Variants in BNC2 observed in about 807,000 individuals in gnomAD.
BNC2 encodes the protein zinc finger protein basonuclin-2.
Under a neutral mutation model 76.3 loss-of-function variants are expected in BNC2, and 20 were observed. The ratio of observed to expected loss-of-function variants is 0.26; its 90% CI spans 0.18 to 0.38. The LOEUF is 0.38. Among genes scored for constraint, BNC2 ranks in the 10% least tolerant of loss-of-function variants. The probability of loss-of-function intolerance (pLI) is 1.00; values close to 1 mark genes in which losing one functional copy is unlikely to be tolerated. For missense variants in BNC2, 1,382 were observed against 1,399.8 expected, an observed-to-expected ratio of 0.99 and a Z score of 0.20; for synonymous variants, 582 against 514.8, an observed-to-expected ratio of 1.13 and a Z score of -1.77.
At chr9:16,541,051 G>A (rs1587147989) in intron 5 of BNC2, among the ~76,000 whole-genome samples, 1 of 152,186 alleles carries the variant, frequency 6.6e-6, no homozygotes, top group Admixed American at 6.5e-5. Flanking sequence ...GCATAGTAAA[G>A]GCTAGAGAGA....
At chr9:16,804,183 T>C (rs1160362758) in intron 1 of BNC2, among the ~76,000 whole-genome samples, 1 of 152,246 alleles carries the variant, frequency 6.6e-6, no homozygotes, top group Non-Finnish European at 1.5e-5. Context: ...ATATGAGTTA[T>C]TATTCTTGTC....
At chr9:16,434,420 A>T (rs1431628345) in intron 6 of BNC2, among the ~76,000 whole-genome samples, 1 of 152,176 alleles carries the variant, frequency 6.6e-6, no homozygotes, top group Non-Finnish European at 1.5e-5. Context: ...TTTCTAGTTA[A>T]TTTTAATGTG....
chr9:16,432,679 G>C (rs1423235977), intron 6 of BNC2, among the ~76,000 whole-genome samples: 1 of 152,178 alleles, frequency 6.6e-6, no homozygotes, highest in African/African-American at 2.4e-5. Context: ...ATTTGCACAA[G>C]GAAGACATTG....
intron 1 of BNC2, among the ~76,000 whole-genome samples, chr9:16,748,469 G>A (rs568219639): frequency 2.4e-4 from 37 of 152,188 alleles, no homozygotes; most frequent in South Asian, 6.2e-4. Context: ...AGTCCTGAGC[G>A]TGCCACTGCA....
rs150748992 is a variant in BNC2 at position 16,596,070 on chromosome 9, C to T, written c.331-12985G>A. 6.0e-3 allele frequency among the ~76,000 whole-genome samples: 919 copies of T among 152,126 alleles called. 6 individuals carry two copies. The highest frequency in any genetic ancestry group is 0.021 in the African/African-American group (866 of 41,518). Reference sequence around the variant, plus strand: ...GATTTACTTGATAGACTATAAATGGCTCGTAAGAACTCAAGAATCACTCCA... The same window carrying T: ...GATTTACTTGATAGACTATAAATGGTTCGTAAGAACTCAAGAATCACTCCA... On this transcript the variant is annotated intron_variant, in intron 3 of 6. Transcript: ENST00000380672.
At chr9:16,597,466 T>TGCA (rs1820124830) in intron 3 of BNC2, among the ~76,000 whole-genome samples, 1 of 152,152 alleles carries the variant, frequency 6.6e-6, no homozygotes, top group African/African-American at 2.4e-5. Context: ...TGCAGGAATT[T>TGCA]GCTCTGCAAA....
chr9:16,849,451 C>T (rs960602360), intron 1 of BNC2, among the ~76,000 whole-genome samples: 1 of 150,750 alleles, frequency 6.6e-6, no homozygotes, highest in Non-Finnish European at 1.5e-5. Flanking sequence ...CTCCACCTCC[C>T]AAGTTCAAGC....
At chr9:16,654,723 A>G (rs1182780523) in intron 3 of BNC2, among the ~76,000 whole-genome samples, 2 of 151,894 alleles carry the variant, frequency 1.3e-5, no homozygotes, top group African/African-American at 2.4e-5. Context: ...CCCCAAATTT[A>G]TTTTCCAGAG....
chr9:16,774,833 T>C (rs1185589907), intron 1 of BNC2, among the ~76,000 whole-genome samples: 1 of 152,236 alleles, frequency 6.6e-6, no homozygotes, highest in Non-Finnish European at 1.5e-5. Flanking sequence ...TTTAAGCCTC[T>C]GGATGCCTTA....
At chr9:16,758,835 C>G (rs1825470242) in intron 1 of BNC2, among the ~76,000 whole-genome samples, 1 of 152,144 alleles carries the variant, frequency 6.6e-6, no homozygotes, top group African/African-American at 2.4e-5. Context: ...ATCCATCAAT[C>G]TTATTATCAC....
chr9:16,587,598 T>C (rs1412657599), intron 3 of BNC2, among the ~76,000 whole-genome samples: 2 of 147,898 alleles, frequency 1.4e-5, no homozygotes, highest in Admixed American at 1.3e-4. Flanking sequence ...TTCTCTCTTC[T>C]TAAGAGATCC....
chr9:16,803,363 C>A (rs1160489436), intron 1 of BNC2, among the ~76,000 whole-genome samples: 1 of 152,140 alleles, frequency 6.6e-6, no homozygotes, highest in Non-Finnish European at 1.5e-5. Context: ...ATAATACGTA[C>A]CTCTGCCCCA....
At chr9:16,448,907 A>G (rs1173713816) in intron 5 of BNC2, among the ~76,000 whole-genome samples, 2 of 152,244 alleles carry the variant, frequency 1.3e-5, no homozygotes, top group African/African-American at 4.8e-5. Context: ...ACATGTGTGT[A>G]TAATTATAAA....
chr9:16,516,902 T>C (rs1176838972), intron 5 of BNC2, among the ~76,000 whole-genome samples: 1 of 152,202 alleles, frequency 6.6e-6, no homozygotes, highest in Non-Finnish European at 1.5e-5. Flanking sequence ...TCTGGTTTCT[T>C]TGATTGTGAG....
At chr9:16,770,889 G>A (rs929312151) in intron 1 of BNC2, among the ~76,000 whole-genome samples, 4 of 151,944 alleles carry the variant, frequency 2.6e-5, no homozygotes, top group African/African-American at 9.7e-5. Flanking sequence ...AAAAGAAAAG[G>A]GCTGGGCTCG....
intron 3 of BNC2, among the ~76,000 whole-genome samples, chr9:16,655,971 A>G (rs1363336589): frequency 6.6e-6 from 1 of 152,184 alleles, no homozygotes; most frequent in East Asian, 1.9e-4. Context: ...CATTGTAAGT[A>G]CTTCAGAAGA....
chr9:16,472,320 C>T (rs1280405685), intron 5 of BNC2, among the ~76,000 whole-genome samples: 1 of 152,120 alleles, frequency 6.6e-6, no homozygotes, highest in East Asian at 1.9e-4. Context: ...GACAGAGTTG[C>T]AGGGGTAAAT....
intron 5 of BNC2, among the ~76,000 whole-genome samples, chr9:16,509,517 T>C (rs1053350581): frequency 1.3e-5 from 2 of 152,196 alleles, no homozygotes; most frequent in African/African-American, 2.4e-5. Flanking sequence ...TCTAAAACAG[T>C]ATTAAGAAAC....
chr9:16,831,449 T>C (rs1045261925), intron 1 of BNC2, among the ~76,000 whole-genome samples: 2 of 152,218 alleles, frequency 1.3e-5, no homozygotes, highest in African/African-American at 4.8e-5. Context: ...TTATTTAAAA[T>C]TTCTTAAACA....
Sources: allele counts gnomAD v4.1 joint callset (sites outside exome capture counted in the v4.1 genomes callset), GRCh38; gene constraint gnomAD v4.1.1; transcripts MANE v1.5; gene names NCBI Gene and HGNC (gene_info 2026-07-23, HGNC 2026-07-21).